The following TECPR1 variants were observed in gnomAD, a reference collection of about 807,000 sequenced individuals.
TECPR1 encodes the protein tectonin beta-propeller repeat containing 1.
In TECPR1, 122 loss-of-function variants were observed where a neutral mutation model predicts 162.4. The observed-to-expected ratio is 0.75, with a 90% CI of 0.65 to 0.87. TECPR1 has a LOEUF of 0.87. TECPR1 is among the 40% of genes least tolerant of loss of function. TECPR1 has a pLI of 0.00. For missense variants in TECPR1, 1,432 were observed against 1,618.2 expected (o/e 0.88, Z 1.97); for synonymous variants, 642 against 670.6 (o/e 0.96, Z 0.66).
At chr7:98,218,100 T>G (rs959393668) in intron 23 of TECPR1, 58 bp from the exon 24 acceptor site, 1 of 1,429,370 alleles carries the variant, frequency 7.0e-7, no homozygotes, top group African/African-American at 1.4e-5. Flanking sequence ...CTCCTGCCCG[T>G]GCGGCCCGGC....
intron 10 of TECPR1, among the ~76,000 whole-genome samples, chr7:98,236,451 T>C (rs565378845): frequency 6.6e-6 from 1 of 151,998 alleles, no homozygotes; most frequent in African/African-American, 2.4e-5. Context: ...TCGGACCCAA[T>C]GGGACAACCC....
At chr7:98,233,132 T>TC (rs1798494281) in intron 11 of TECPR1, 160 bp from the exon 12 acceptor site, 1 of 871,992 alleles carries the variant, frequency 1.1e-6, no homozygotes, top group Non-Finnish European at 1.6e-6. Flanking sequence ...TGAGTTGCTC[T>TC]CCCCCAGTAA....
In TECPR1 at chr7:98,215,604, A is replaced by G. The variant is rs1483987556; in HGVS notation, c.*1786T>C. On this transcript the variant is annotated 3_prime_UTR_variant, in exon 26 of 26. Coordinates refer to ENST00000447648, the MANE Select transcript of TECPR1 (RefSeq NM_015395.3). ...GTGCTCAGCAGCGAGAGGACGCGTC[A>G]CTCTGCCGTTCTGCAGGGTGACGCC... 2 of 152,204 alleles carry G rather than the reference A, an allele frequency of 1.3e-5. No homozygotes were observed. Among genetic ancestry groups the G allele is most frequent in the East Asian group, 3.9e-4 (2 of 5,192 alleles). The allele number at this position is 152,204 out of a possible 1,614,324, so 9.4% of individuals were successfully genotyped here.
Position 98,222,982 on chromosome 7 carries a change from G to T in TECPR1, c.2928+8C>A. ...TTCAAGAAGAATCTGTCTGGCCCCG[G>T]CACTCACCGCAGGGTTGAGCTCCGA... On this transcript the variant is annotated splice_region_variant and intron_variant, in intron 21 of 25. Transcript: ENST00000447648. 1.9e-6 allele frequency: 3 copies of T among 1,610,734 alleles called. 1 individual carries two copies. In the South Asian group the frequency reaches 3.3e-5, roughly 18 times the overall value.
At chr7:98,234,435 T>C (rs538076197) in intron 10 of TECPR1, among the ~76,000 whole-genome samples, 8 of 152,342 alleles carry the variant, frequency 5.3e-5, no homozygotes, top group Non-Finnish European at 1.0e-4. Context: ...ATTACAGGCG[T>C]GAGCCACCGC....
intron 7 of TECPR1, 37 bp from the exon 8 acceptor site, chr7:98,240,988 C>T: frequency 6.3e-7 from 1 of 1,588,696 alleles, no homozygotes; most frequent in East Asian, 2.3e-5. Flanking sequence ...TGGCCCCCAT[C>T]AGCCTGGACA....
intron 10 of TECPR1, among the ~76,000 whole-genome samples, chr7:98,235,523 T>TAA (rs35562090): frequency 0.16 from 18,662 of 116,550 alleles, 1,763 homozygotes; most frequent in South Asian, 0.27. Context: ...AGACTCCGTC[T>TAA]AAAAAAAAAA....
intron 16 of TECPR1, chr7:98,228,626 C>T (rs988196390): frequency 9.5e-6 from 2 of 211,426 alleles, no homozygotes; most frequent in Admixed American, 5.1e-5. Flanking sequence ...GCTGCTCCCC[C>T]GTGGGGCATG....
intron 2 of TECPR1, among the ~76,000 whole-genome samples, chr7:98,247,803 G>A (rs908088813): frequency 6.6e-6 from 1 of 152,028 alleles, no homozygotes. Context: ...GCTCACTGCA[G>A]CCTTGAACTC....
In TECPR1 at chr7:98,217,928, AC is replaced by A; in HGVS notation, c.3264+7del. 1 of 1,551,518 alleles carries A rather than the reference AC, an allele frequency of 6.4e-7. No individual in the cohort carries two copies. On this transcript the variant is annotated splice_region_variant and intron_variant, in intron 24 of 25. Transcript: ENST00000447648. ...CCCAAGTGCCCGATACCCCCTGAGC[AC>A]CCCCACCTGGTCCAGGGGCCCCACG...
intron 17 of TECPR1, among the ~76,000 whole-genome samples, chr7:98,225,624 T>C (rs751100198): frequency 6.6e-6 from 1 of 152,058 alleles, no homozygotes; most frequent in African/African-American, 2.4e-5. Context: ...CTCTCTTTCT[T>C]TCCCTTTCTC....
Position 98,228,010 on chromosome 7 carries a change from T to G in TECPR1, c.2513+4A>C. On this transcript the variant is annotated splice_donor_region_variant and intron_variant, in intron 17 of 25. Transcript: ENST00000447648. ...CATCCTGGCCGGGCACCTGTGCCAC[T>G]TACCTGCTGGTGTAGCCTGTGACGG... The G allele has an allele frequency of 6.2e-7, 1 of 1,610,650 alleles. No individual in the cohort carries two copies. The highest frequency in any genetic ancestry group is 8.5e-7 in the Non-Finnish European group (1 of 1,178,630).
Position 98,223,119 on chromosome 7 carries a change from G to A in TECPR1, c.2799C>T (p.Ala933=). The A allele has an allele frequency of 6.2e-7, 1 of 1,604,584 alleles. No homozygotes were observed. Among genetic ancestry groups the A allele is most frequent in the Non-Finnish European group, 8.5e-7 (1 of 1,176,216 alleles). ...CCGGGATGATGGACACGTCCCTGAG[G>A]GCGATGGGGGGCACCTCCAGCCAGG... ...SGPWLEVPPI[A]LRDVSIIPES... is the part of the protein sequence containing the mutation. Residue 933 remains alanine, a synonymous_variant, in exon 21 of 26, where the codon GCC becomes GCT. Transcript: ENST00000447648.
At chr7:98,225,413 T>C (rs1732053919) in intron 17 of TECPR1, among the ~76,000 whole-genome samples, 3 of 152,126 alleles carry the variant, frequency 2.0e-5, no homozygotes. Flanking sequence ...CGGATGCCTG[T>C]AGTCCCAGCT....
Position 98,244,992 on chromosome 7 carries a change from G to A in TECPR1, c.301C>T (p.Leu101Phe), listed in dbSNP as rs1348256942. The stretch of plus-strand genomic sequence containing the variant: ...ACCCTGTCCAGCGGCCGGTGCTGGA[G>A]CCCACTCACGTCACTCCACCCCCAG... The part of the protein sequence containing the change: ...DRWGWSDVSG[L>F]QHRPLDRVAL... Residue 101 changes from leucine (L) to phenylalanine (F), a missense_variant, in exon 4 of 26, where the codon CTC (leucine) becomes TTC (phenylalanine). By Grantham distance (22) the Leu-to-Phe change is conservative. Coordinates refer to ENST00000447648, the MANE Select transcript of TECPR1 (RefSeq NM_015395.3). The A allele has an allele frequency of 2.5e-6, 4 of 1,611,670 alleles. No individual in the cohort carries two copies. In the Admixed American group the frequency reaches 5.0e-5, roughly 20 times the overall value.
chr7:98,248,841 G>A (rs80195155), intron 2 of TECPR1, among the ~76,000 whole-genome samples: 25,695 of 130,484 alleles, frequency 0.2, 2,312 homozygotes, highest in South Asian at 0.31. Flanking sequence ...GTGCGACTCC[G>A]TCTCAAAAAA....
intron 2 of TECPR1, among the ~76,000 whole-genome samples, chr7:98,246,727 T>C (rs1279386850): frequency 1.3e-5 from 2 of 151,728 alleles, no homozygotes; most frequent in Non-Finnish European, 2.9e-5. Flanking sequence ...GGACTACAGG[T>C]GCACGCCACC....
At chr7:98,226,811 TA>T in intron 17 of TECPR1, 1 of 406,064 alleles carries the variant, frequency 2.5e-6, no homozygotes, top group Non-Finnish European at 4.6e-6. Flanking sequence ...TGCATGCCTG[TA>T]ATCCCAACTA....
In TECPR1 at chr7:98,240,920, T is replaced by C. The variant is rs763147618; in HGVS notation, c.864A>G (p.Gly288=). ...GSSWSIVEPP[G]SENGVMHISV... is the part of the protein sequence containing the mutation. The stretch of plus-strand genomic sequence containing the variant: ...AGATGTGCATGACCCCGTTTTCAGA[T>C]CCAGGAGGCTCCACGATGGACCAGG... Residue 288 remains glycine, a synonymous_variant, in exon 8 of 26, where the codon GGA becomes GGG. Transcript: ENST00000447648. 5.0e-6 allele frequency: 8 copies of C among 1,607,930 alleles called. No homozygotes were observed. The highest frequency in any genetic ancestry group is 5.9e-6 in the Non-Finnish European group (7 of 1,178,586).
Sources: allele counts gnomAD v4.1 joint callset (sites outside exome capture counted in the v4.1 genomes callset), GRCh38; gene constraint gnomAD v4.1.1; transcripts MANE v1.5; gene names NCBI Gene and HGNC (gene_info 2026-07-23, HGNC 2026-07-21).